The following VIM variants were observed in gnomAD, a reference collection of about 807,000 sequenced individuals.
The protein encoded by VIM is vimentin.
VIM carries 18 observed loss-of-function variants against 50.3 expected under a neutral mutation model. The ratio of observed to expected loss-of-function variants is 0.36; its 90% CI spans 0.25 to 0.53. The LOEUF is 0.53. Among genes scored for constraint, VIM ranks in the 20% least tolerant of loss-of-function variants. The probability of loss-of-function intolerance (pLI) is 0.91; values close to 1 mark genes in which losing one functional copy is unlikely to be tolerated. For missense variants in VIM, 551 were observed against 614.7 expected (o/e 0.90, Z 1.10); for synonymous variants, 245 against 248.5 (o/e 0.99, Z 0.13).
intron 9 of VIM, among the ~76,000 whole-genome samples, chr10:17,236,757 T>C (rs1846895930): frequency 6.6e-6 from 1 of 152,234 alleles, no homozygotes; most frequent in African/African-American, 2.4e-5. Context: ...CTCCATACTT[T>C]ATAGATTCCT....
In VIM at chr10:17,229,677, C is replaced by A. The variant is rs1385094399; in HGVS notation, c.255C>A (p.Asp85Glu). ...PGVRLLQDSV[D>E]FSLADAINTE... is the part of the protein sequence containing the mutation. ...TGCGGCTCCTGCAGGACTCGGTGGA[C>A]TTCTCGCTGGCCGACGCCATCAACA... The change falls in exon 2 of 10, where the codon GAC becomes GAA. Residue 85 changes from aspartate to glutamate, a missense_variant. Coordinates refer to ENST00000544301, the MANE Select transcript of VIM (RefSeq NM_003380.5). 6.4e-7 allele frequency: 1 copy of A among 1,562,030 alleles called. No homozygotes were observed. Among genetic ancestry groups the A allele is most frequent in the Admixed American group, 1.9e-5 (1 of 52,166 alleles).
intron 2 of VIM, chr10:17,230,394 G>C (rs1480983975): frequency 3.4e-6 from 2 of 587,312 alleles, no homozygotes; most frequent in East Asian, 2.9e-5. Context: ...GCGAGACAAA[G>C]GGATGGTCCC....
chr10:17,235,389 G>A lies in VIM; in HGVS notation c.1229G>A (p.Arg410Lys). The A allele has an allele frequency of 6.2e-7, 1 of 1,614,014 alleles. No individual in the cohort carries two copies. Among genetic ancestry groups the A allele is most frequent in the Non-Finnish European group, 8.5e-7 (1 of 1,180,038 alleles). The change falls in exon 7 of 10, where the codon AGG becomes AAG. Residue 410 changes from arginine (R) to lysine (K), a missense_variant and splice_region_variant. Coordinates refer to ENST00000544301, the MANE Select transcript of VIM (RefSeq NM_003380.5). Reference protein sequence around the residue: ...YRKLLEGEESRISLPLPNFSS... With the variant: ...YRKLLEGEESKISLPLPNFSS... ...AAGCTGCTGGAAGGCGAGGAGAGCAGGTAGGGAACTCAGACTTGGATGCGT... is the reference window on the plus strand; with the variant it reads ...AAGCTGCTGGAAGGCGAGGAGAGCAAGTAGGGAACTCAGACTTGGATGCGT...
intron 8 of VIM, 93 bp downstream of exon 8, chr10:17,235,982 A>T (rs1458390726): frequency 5.9e-6 from 8 of 1,356,144 alleles, no homozygotes; most frequent in Non-Finnish European, 7.3e-6. Context: ...ATATCTGAAA[A>T]AATGCCATAT....
intron 9 of VIM, among the ~76,000 whole-genome samples, chr10:17,236,686 C>G (rs1281298096): frequency 6.6e-6 from 1 of 152,168 alleles, no homozygotes; most frequent in Non-Finnish European, 1.5e-5. Flanking sequence ...CATGAAACAG[C>G]TTCACTAGAC....
At chr10:17,234,972 T>C (rs369122318) in intron 6 of VIM, 154 bp downstream of exon 6, 42 of 1,286,712 alleles carry the variant, frequency 3.3e-5, no homozygotes, top group South Asian at 2.3e-4. Flanking sequence ...AGGGACTTCA[T>C]GGAACTCTTG....
In VIM at chr10:17,237,325, T is replaced by A. The variant is rs1846910298; in HGVS notation, c.*54T>A. ...ATTACCAGCAAGAATAAAAAAGAAATCCATATCTTAAAGAAACAGCTTTCA... is the reference window on the plus strand; with the variant it reads ...ATTACCAGCAAGAATAAAAAAGAAAACCATATCTTAAAGAAACAGCTTTCA... On this transcript the variant is annotated 3_prime_UTR_variant, in exon 10 of 10. Transcript: ENST00000544301. The A allele has an allele frequency of 6.4e-7, 1 of 1,557,926 alleles. No homozygotes were observed. The highest frequency in any genetic ancestry group is 8.8e-7 in the Non-Finnish European group (1 of 1,141,076).
chr10:17,235,000 A>G (rs555793634), intron 6 of VIM, 169 bp from the exon 7 acceptor site: 19 of 1,175,186 alleles, frequency 1.6e-5, no homozygotes, highest in Non-Finnish European at 2.2e-5. Flanking sequence ...TAGCTTGCCT[A>G]TATCATTGCT....
At chr10:17,230,568 G>A (rs751280534) in intron 2 of VIM, 82 bp from the exon 3 acceptor site, 1 of 1,483,324 alleles carries the variant, frequency 6.7e-7, no homozygotes, top group African/African-American at 1.4e-5. Flanking sequence ...GAGGCGCAGA[G>A]CGAATACGTG....
In VIM at chr10:17,234,696, G is replaced by T. The variant is rs578255169; in HGVS notation, c.886G>T (p.Ala296Ser). 1.2e-6 allele frequency: 2 copies of T among 1,613,916 alleles called. No individual in the cohort carries two copies. The highest frequency in any genetic ancestry group is 1.7e-5 in the Admixed American group (1 of 60,008). Residue 296 changes from alanine to serine, a missense_variant, in exon 6 of 10, where the codon GCT becomes TCT. Ala to Ser is a moderately conservative substitution (Grantham distance 99). Around this residue, in one of 3 missense-constraint regions of VIM, gnomAD observed 394 missense variants for 437.5 expected, o/e 0.90. Transcript: ENST00000544301. ...EAEEWYKSKF[A>S]DLSEAANRNN... The stretch of plus-strand genomic sequence containing the variant: ...ATTTCTGTTTTCTTCCCAACAGTTT[G>T]CTGACCTCTCTGAGGCTGCCAACCG...
intron 9 of VIM, among the ~76,000 whole-genome samples, chr10:17,236,961 C>T (rs77371517): frequency 1.3e-5 from 2 of 152,268 alleles, no homozygotes; most frequent in East Asian, 3.9e-4. Context: ...TTGTGTACAA[C>T]TATTATACCA....
Position 17,229,740 on chromosome 10 carries a change from G to T in VIM, c.318G>T (p.Glu106Asp). Residue 106 changes from glutamate to aspartate, a missense_variant, in exon 2 of 10, where the codon GAG (glutamate) becomes GAT (aspartate). This residue lies in a region of VIM where 23 missense variants were observed against 50.9 expected (regional missense o/e 0.45). Coordinates refer to ENST00000544301, the MANE Select transcript of VIM (RefSeq NM_003380.5). ...ACACCCGCACCAACGAGAAGGTGGA[G>T]CTGCAGGAGCTGAATGACCGCTTCG... ...FKNTRTNEKV[E>D]LQELNDRFAN... The T allele has an allele frequency of 6.3e-7, 1 of 1,583,870 alleles. No individual in the cohort carries two copies. Among genetic ancestry groups the T allele is most frequent in the Non-Finnish European group, 8.6e-7 (1 of 1,164,136 alleles).
Position 17,229,959 on chromosome 10 carries a change from C to T in VIM, c.537C>T (p.Ala179=). The T allele has an allele frequency of 6.2e-7, 1 of 1,612,538 alleles. No homozygotes were observed. The highest frequency in any genetic ancestry group is 8.5e-7 in the Non-Finnish European group (1 of 1,179,750). The change falls in exon 2 of 10, where the codon GCC becomes GCT. Residue 179 remains alanine, a synonymous_variant. Transcript: ENST00000544301. ...TCGAGGTGGAGCGCGACAACCTGGC[C>T]GAGGACATCATGCGCCTCCGGGAGA... ...ARVEVERDNL[A]EDIMRLREKL...
rs773762488 is a variant in VIM at position 17,233,807 on chromosome 10, A to G, written c.758A>G (p.His253Arg). 3.2e-5 allele frequency: 52 copies of G among 1,614,084 alleles called. No homozygotes were observed. Among genetic ancestry groups the G allele is most frequent in the Non-Finnish European group, 3.7e-5 (44 of 1,180,036 alleles). ...QELQAQIQEQ[H>R]VQIDVDVSKP... ...CTGCAGGCTCAGATTCAGGAACAGC[A>G]TGTCCAAATCGATGTGGATGTTTCC... is the stretch of plus-strand genomic sequence containing the variant. The change falls in exon 5 of 10, where the codon CAT (histidine) becomes CGT (arginine). Residue 253 changes from histidine (H) to arginine (R), a missense_variant. Coordinates refer to ENST00000544301, the MANE Select transcript of VIM (RefSeq NM_003380.5).
At chr10:17,232,801 A>C (rs1484433565) in intron 3 of VIM, among the ~76,000 whole-genome samples, 1 of 152,232 alleles carries the variant, frequency 6.6e-6, no homozygotes, top group Non-Finnish European at 1.5e-5. Context: ...CTTGAAGCAC[A>C]AGTTTCTGTT....
In VIM at chr10:17,229,267, G is replaced by A. The variant is rs1031786576; in HGVS notation, c.-147-9G>A. On this transcript the variant is annotated splice_polypyrimidine_tract_variant and intron_variant, in intron 1 of 9. Transcript: ENST00000544301. Reference sequence around the variant, plus strand: ...GGGTTATAAAAACAGCGCCCTCGGCGGGGTCCAGTCCTCTGCCACTCTCGC... The same window carrying A: ...GGGTTATAAAAACAGCGCCCTCGGCAGGGTCCAGTCCTCTGCCACTCTCGC... 7.0e-6 allele frequency: 5 copies of A among 717,408 alleles called. No individual in the cohort carries two copies. The highest frequency in any genetic ancestry group is 2.9e-5 in the East Asian group (1 of 34,680). The allele number at this position is 717,408 out of a possible 1,614,324, so 44.4% of individuals were successfully genotyped here.
chr10:17,232,681 T>C (rs1846817555), intron 3 of VIM, among the ~76,000 whole-genome samples: 1 of 152,258 alleles, frequency 6.6e-6, no homozygotes, highest in African/African-American at 2.4e-5. Context: ...TGAATTGGGT[T>C]ATTGAATATA....
chr10:17,230,289 G>A (rs1846763026), intron 2 of VIM: 2 of 573,254 alleles, frequency 3.5e-6, no homozygotes, highest in Non-Finnish European at 6.2e-6. Flanking sequence ...CACAATGAGA[G>A]CCAGTCCTCC....
chr10:17,234,516 TG>T (rs1193940917), intron 5 of VIM, among the ~76,000 whole-genome samples, 176 bp from the exon 6 acceptor site: 1 of 152,218 alleles, frequency 6.6e-6, no homozygotes, highest in Non-Finnish European at 1.5e-5. Context: ...AAATGAGCAC[TG>T]TAGAGTGAAC....
Sources: gnomAD v4.1 joint callset for allele counts (sites outside exome capture counted in the v4.1 genomes callset) on GRCh38, gnomAD v4.1.1 for gene constraint, gnomAD v4.1.1 regional missense constraint, MANE v1.5 for transcripts, NCBI Gene and HGNC (gene_info 2026-07-23, HGNC 2026-07-21) for gene names.